Variants in ANKFN1 observed in about 807,000 individuals in gnomAD.
ANKFN1 encodes ankyrin repeat and fibronectin type-III domain-containing protein 1.
ANKFN1 carries 74 observed loss-of-function variants against 108.7 expected under a neutral mutation model. That is an observed-to-expected ratio of 0.68 (90% confidence interval 0.56 to 0.83). The LOEUF (loss-of-function observed/expected upper bound fraction) is 0.83. Among genes scored for constraint, ANKFN1 ranks in the 40% least tolerant of loss-of-function variants. The pLI, the probability that ANKFN1 is intolerant of heterozygous loss-of-function variation, is 0.00. For missense variants in ANKFN1, 1,505 were observed against 1,382.3 expected (o/e 1.09, Z -1.41); for synonymous variants, 547 against 516.2 (o/e 1.06, Z -0.81).
At chr17:56,342,920 C>T (rs1450221952) in intron 4 of ANKFN1, among the ~76,000 whole-genome samples, 2 of 151,974 alleles carry the variant, frequency 1.3e-5, no homozygotes, top group African/African-American at 2.4e-5. Flanking sequence ...GTGTGGGAGT[C>T]TAAGTCTCTT....
chr17:56,409,406 G>A (rs774144363), intron 8 of ANKFN1, among the ~76,000 whole-genome samples: 11 of 152,098 alleles, frequency 7.2e-5, no homozygotes, highest in Non-Finnish European at 1.3e-4. Context: ...ACTGAACATT[G>A]TACATAAAAC....
intron 2 of ANKFN1, among the ~76,000 whole-genome samples, chr17:56,216,346 A>G (rs970979896): frequency 1.3e-5 from 2 of 152,236 alleles, no homozygotes; most frequent in African/African-American, 4.8e-5. Context: ...ACAGTAGCCT[A>G]CGAGACATGA....
chr17:56,464,651 G>A (rs1262861958), intron 14 of ANKFN1, among the ~76,000 whole-genome samples: 1 of 152,128 alleles, frequency 6.6e-6, no homozygotes, highest in African/African-American at 2.4e-5. Flanking sequence ...GCCTGGGTGG[G>A]ATTCCAATTA....
chr17:56,410,865 C>A (rs7208879), intron 8 of ANKFN1, among the ~76,000 whole-genome samples: 8,113 of 152,240 alleles, frequency 0.053, 251 homozygotes, highest in African/African-American at 0.061. Flanking sequence ...GCTTTCTATT[C>A]TGTTCCTTTG....
intron 1 of ANKFN1, among the ~76,000 whole-genome samples, chr17:56,198,157 G>A (rs1913688040): frequency 6.6e-6 from 1 of 152,208 alleles, no homozygotes. Context: ...TCCAGAGACT[G>A]AGAAGACAAA....
At chr17:56,297,941 G>T (rs1368114012) in intron 3 of ANKFN1, among the ~76,000 whole-genome samples, 1 of 152,136 alleles carries the variant, frequency 6.6e-6, no homozygotes, top group Non-Finnish European at 1.5e-5. Flanking sequence ...TAATGGCTTG[G>T]GGGGAAATGC....
chr17:56,279,828 G>A (rs1012441747), intron 3 of ANKFN1, among the ~76,000 whole-genome samples: 7 of 152,100 alleles, frequency 4.6e-5, no homozygotes, highest in African/African-American at 7.2e-5. Flanking sequence ...TAGGCAACTC[G>A]CGTATCATTT....
intron 20 of ANKFN1, among the ~76,000 whole-genome samples, chr17:56,504,116 C>T (rs1186796076): frequency 6.6e-6 from 1 of 152,204 alleles, no homozygotes; most frequent in Non-Finnish European, 1.5e-5. Context: ...GTATCCCACT[C>T]TAAGCAATAG....
chr17:56,336,153 C>G (rs924855396), intron 4 of ANKFN1, among the ~76,000 whole-genome samples: 10 of 152,148 alleles, frequency 6.6e-5, no homozygotes, highest in Non-Finnish European at 1.3e-4. Context: ...CGATGTTCAT[C>G]AGGGATATTG....
intron 4 of ANKFN1, among the ~76,000 whole-genome samples, chr17:56,055,600 C>CACACATATATATATATATATATACAT (rs1567778636): frequency 3.0e-5 from 1 of 33,594 alleles, no homozygotes; most frequent in African/African-American, 1.3e-4. Flanking sequence ...TATATATACA[C>CACACATATATATATATATATATACAT]ATTTTTTTAT....
intron 3 of ANKFN1, among the ~76,000 whole-genome samples, chr17:56,244,693 CAGAGCAGTT>C (rs1917833135): frequency 6.6e-6 from 1 of 152,128 alleles, no homozygotes; most frequent in South Asian, 2.1e-4. Flanking sequence ...ACAACCTCAG[CAGAGCAGTT>C]AGAGCTGTAC....
At chr17:56,440,759 T>C (rs2049076189) in intron 9 of ANKFN1, among the ~76,000 whole-genome samples, 1 of 152,080 alleles carries the variant, frequency 6.6e-6, no homozygotes, top group South Asian at 2.1e-4. Flanking sequence ...CAATTTTGAC[T>C]CCCTGTCTGA....
At chr17:56,489,178 A>G (rs1568044385) in intron 18 of ANKFN1, among the ~76,000 whole-genome samples, 1 of 152,214 alleles carries the variant, frequency 6.6e-6, no homozygotes, top group African/African-American at 2.4e-5. Flanking sequence ...TTAGTCTGCC[A>G]CTATCTTATG....
intron 8 of ANKFN1, among the ~76,000 whole-genome samples, chr17:56,375,535 C>A (rs2046923657): frequency 6.6e-6 from 1 of 151,978 alleles, no homozygotes; most frequent in South Asian, 2.1e-4. Flanking sequence ...TTCAGCAGAG[C>A]CATTGAATAA....
At chr17:56,287,106 CA>C (rs1246279502) in intron 3 of ANKFN1, among the ~76,000 whole-genome samples, 27 of 152,246 alleles carry the variant, frequency 1.8e-4, no homozygotes, top group African/African-American at 6.3e-4. Flanking sequence ...CTCTGTGAAG[CA>C]GATAAGGCAG....
chr17:56,280,579 A>G (rs1318341391), intron 3 of ANKFN1, among the ~76,000 whole-genome samples: 1 of 152,116 alleles, frequency 6.6e-6, no homozygotes, highest in African/African-American at 2.4e-5. Context: ...CAGATGGCAT[A>G]TTGTGGGACT....
chr17:56,436,465 G>A (rs970360896), intron 8 of ANKFN1, among the ~76,000 whole-genome samples: 2 of 152,122 alleles, frequency 1.3e-5, no homozygotes, highest in Non-Finnish European at 2.9e-5. Context: ...GGGTTTTAAT[G>A]GTAAGTCTGT....
chr17:56,134,118 G>T (rs143471305), intron 4 of ANKFN1, among the ~76,000 whole-genome samples: 96 of 152,234 alleles, frequency 6.3e-4, no homozygotes, highest in African/African-American at 2.3e-3. Flanking sequence ...AGAACTCAGG[G>T]AAACTTATAT....
In ANKFN1 at chr17:56,512,186, A is replaced by C. The variant is rs907585536; in HGVS notation, c.*917A>C. ...TAAGTCCATGGGGGCTGTGTCTCTG[A>C]AAATCATAGTGGATCAGCTCCAGAT... is the stretch of plus-strand genomic sequence containing the variant. On this transcript the variant is annotated 3_prime_UTR_variant, in exon 21 of 21. Coordinates refer to ENST00000682825, the MANE Select transcript of ANKFN1 (RefSeq NM_001370326.1). Among the ~76,000 whole-genome samples the C allele has an allele frequency of 2.6e-5, 4 of 152,198 alleles. No homozygotes were observed. The highest frequency in any genetic ancestry group is 4.8e-5 in the African/African-American group (2 of 41,448).
Sources: allele counts gnomAD v4.1 joint callset (sites outside exome capture counted in the v4.1 genomes callset), GRCh38; gene constraint gnomAD v4.1.1; transcripts MANE v1.5; gene names NCBI Gene and HGNC (gene_info 2026-07-23, HGNC 2026-07-21).